SAMTOR: variants seen among roughly 807,000 people sequenced by gnomAD.
SAMTOR encodes UPF0532 protein C7orf60.
the SAMTOR span, among the ~76,000 whole-genome samples, chr7:112,921,442 T>G: frequency 2.2e-4 from 34 of 151,328 alleles, no homozygotes; most frequent in Non-Finnish European, 4.6e-4. Context: ...ATACAAAAAT[T>G]AATTCAAGAT....
the SAMTOR span, among the ~76,000 whole-genome samples, chr7:112,916,393 C>T: frequency 6.6e-6 from 1 of 152,188 alleles, no homozygotes; most frequent in South Asian, 2.1e-4. Flanking sequence ...GTTCTTACAC[C>T]CCATAAGGAA....
At chr7:112,869,157 A>AG in the SAMTOR span, among the ~76,000 whole-genome samples, 1,614 of 152,288 alleles carry the variant, frequency 0.011, 29 homozygotes, top group African/African-American at 0.036. Context: ...GAATTCGGAG[A>AG]GTGGGGGTAA....
the SAMTOR span, among the ~76,000 whole-genome samples, chr7:112,848,067 C>T: frequency 0.13 from 20,069 of 152,042 alleles, 1,612 homozygotes; most frequent in Middle Eastern, 0.34. Flanking sequence ...GTGGGAGGAT[C>T]GCTTGAGCTC....
At chr7:112,827,211 G>C in the SAMTOR span, among the ~76,000 whole-genome samples, 1 of 152,102 alleles carries the variant, frequency 6.6e-6, no homozygotes, top group Non-Finnish European at 1.5e-5. Flanking sequence ...TTTGGGTCTT[G>C]GCTTTTTTCC....
the SAMTOR span, among the ~76,000 whole-genome samples, chr7:112,918,656 T>C: frequency 2.6e-5 from 4 of 152,032 alleles, no homozygotes; most frequent in East Asian, 1.9e-4. Flanking sequence ...GACTGGCAAA[T>C]TGGATAAAGA....
chr7:112,876,460 A>G, the SAMTOR span, among the ~76,000 whole-genome samples: 4 of 151,938 alleles, frequency 2.6e-5, no homozygotes, highest in Non-Finnish European at 5.9e-5. Context: ...TATGTTCTCT[A>G]CCCCACAATA....
chr7:112,903,628 T>C, the SAMTOR span, among the ~76,000 whole-genome samples: 3 of 152,172 alleles, frequency 2.0e-5, no homozygotes, highest in Non-Finnish European at 4.4e-5. Context: ...AAAAGTCTGG[T>C]AATTTCTGTA....
At chr7:112,895,761 T>C in the SAMTOR span, 1 of 1,469,972 alleles carries the variant, frequency 6.8e-7, no homozygotes, top group Non-Finnish European at 9.2e-7. Context: ...AATAAAGTTG[T>C]ATTTTAACAT....
At chr7:112,904,653 C>A in the SAMTOR span, among the ~76,000 whole-genome samples, 1 of 151,886 alleles carries the variant, frequency 6.6e-6, no homozygotes, top group Non-Finnish European at 1.5e-5. Flanking sequence ...AGGAAGAGTG[C>A]CAACAAATAC....
chr7:112,838,309 T>C, the SAMTOR span, among the ~76,000 whole-genome samples: 2 of 151,976 alleles, frequency 1.3e-5, no homozygotes, highest in Non-Finnish European at 2.9e-5. Flanking sequence ...TTTACATCTA[T>C]GTTTATAAGT....
chr7:112,846,252 T>A, the SAMTOR span, among the ~76,000 whole-genome samples: 1 of 151,124 alleles, frequency 6.6e-6, no homozygotes, highest in Non-Finnish European at 1.5e-5. Context: ...TTTGTAATCA[T>A]ACTTAGCAAA....
At chr7:112,836,421 G>A in the SAMTOR span, among the ~76,000 whole-genome samples, 19 of 152,202 alleles carry the variant, frequency 1.2e-4, no homozygotes, top group Admixed American at 1.2e-3. Context: ...CTCCCATTCT[G>A]TAGGTTGTCT....
chr7:112,907,833 TCTTA>T, the SAMTOR span, among the ~76,000 whole-genome samples: 17 of 129,990 alleles, frequency 1.3e-4, no homozygotes, highest in Non-Finnish European at 2.1e-4. Flanking sequence ...AAATGGGTAT[TCTTA>T]CTTACTTATT....
chr7:112,843,491 C>T, the SAMTOR span, among the ~76,000 whole-genome samples: 102 of 151,834 alleles, frequency 6.7e-4, no homozygotes, highest in Non-Finnish European at 1.2e-3. Flanking sequence ...TGCCTACATT[C>T]ATAAAAGAAG....
the SAMTOR span, among the ~76,000 whole-genome samples, chr7:112,921,994 C>T: frequency 6.6e-6 from 1 of 151,766 alleles, no homozygotes; most frequent in Non-Finnish European, 1.5e-5. Flanking sequence ...CACGGTCTCC[C>T]TCTGATGCCG....
chr7:112,935,307 A>C, the SAMTOR span: 1 of 374,212 alleles, frequency 2.7e-6, no homozygotes, highest in East Asian at 8.2e-5. Context: ...AAGGAGTCTC[A>C]TTCTAATTTT....
At chr7:112,865,498 A>G in the SAMTOR span, among the ~76,000 whole-genome samples, 1 of 151,814 alleles carries the variant, frequency 6.6e-6, no homozygotes, top group Admixed American at 6.6e-5. Context: ...GGATGGTCTC[A>G]ATCTCCTGAA....
chr7:112,914,276 G>GTTTTTTTTTTTTTTTTT, the SAMTOR span, among the ~76,000 whole-genome samples: 1 of 131,004 alleles, frequency 7.6e-6, no homozygotes, highest in African/African-American at 2.9e-5. Context: ...TTAGCCTCTA[G>GTTTTTTTTTTTTTTTTT]TTTTTTTTTT....
the SAMTOR span, among the ~76,000 whole-genome samples, chr7:112,921,374 T>C: frequency 6.6e-6 from 1 of 151,146 alleles, no homozygotes; most frequent in African/African-American, 2.4e-5. Context: ...TAAATGGTGC[T>C]GGGAAAACTG....
Sources: gnomAD v4.1 joint callset for allele counts (sites outside exome capture counted in the v4.1 genomes callset) on GRCh38, gnomAD v4.1.1 for gene constraint, MANE v1.5 for transcripts, NCBI Gene and HGNC (gene_info 2026-07-23, HGNC 2026-07-21) for gene names.